The following PTPRT variants were observed in gnomAD, a reference collection of about 807,000 sequenced individuals.
PTPRT encodes the protein protein tyrosine phosphatase receptor type T, also known as receptor-type tyrosine-protein phosphatase T.
In PTPRT, 56 loss-of-function variants were observed where a neutral mutation model predicts 176.8. That is an observed-to-expected ratio of 0.32 (90% CI 0.26 to 0.40). The LOEUF (loss-of-function observed/expected upper bound fraction) is 0.40, where lower values mean the gene tolerates loss of function less well. PTPRT is among the 10% of genes least tolerant of loss of function. The pLI is 1.00. For synonymous variants in PTPRT, 783 were observed against 739.0 expected (o/e 1.06, Z -0.96); for missense variants, 1,540 against 1,908.2 (o/e 0.81, Z 3.60).
At chr20:42,815,963 C>CT (rs1356304032) in intron 2 of PTPRT, among the ~76,000 whole-genome samples, 1 of 151,790 alleles carries the variant, frequency 6.6e-6, no homozygotes, top group Non-Finnish European at 1.5e-5. Context: ...TTTTTTTTCT[C>CT]TTTTTTTCAT....
At chr20:42,978,333 G>C (rs77477289) in intron 1 of PTPRT, among the ~76,000 whole-genome samples, 2,841 of 152,210 alleles carry the variant, frequency 0.019, 36 homozygotes, top group East Asian at 0.033. Context: ...CCTATTTTCA[G>C]ACCACAGGTG....
intron 1 of PTPRT, among the ~76,000 whole-genome samples, chr20:42,893,395 A>G (rs1457770079): frequency 6.6e-6 from 1 of 151,984 alleles, no homozygotes; most frequent in South Asian, 2.1e-4. Flanking sequence ...AAATAGGAAC[A>G]CTTTTACACT....
intron 7 of PTPRT, among the ~76,000 whole-genome samples, chr20:42,545,546 C>A (rs1183235649): frequency 6.6e-6 from 1 of 152,190 alleles, no homozygotes; most frequent in African/African-American, 2.4e-5. Context: ...GGAAACAAAC[C>A]TAGGCTTTAC....
chr20:42,627,184 C>T (rs749774916), intron 7 of PTPRT, among the ~76,000 whole-genome samples: 13 of 152,100 alleles, frequency 8.5e-5, no homozygotes, highest in Non-Finnish European at 1.6e-4. Context: ...AATTCTGGAT[C>T]CATTTAATCA....
chr20:42,519,174 C>G (rs1308397460), intron 7 of PTPRT, among the ~76,000 whole-genome samples: 7 of 152,108 alleles, frequency 4.6e-5, no homozygotes, highest in Admixed American at 4.6e-4. Flanking sequence ...CTAATCTGTT[C>G]TCCAGTTTTT....
intron 1 of PTPRT, among the ~76,000 whole-genome samples, chr20:43,077,609 A>G (rs777700787): frequency 5.3e-5 from 8 of 152,174 alleles, no homozygotes; most frequent in Non-Finnish European, 1.0e-4. Context: ...TCTGAGTTCC[A>G]GAGAGAGTAG....
chr20:42,847,435 C>A (rs1433513459), intron 2 of PTPRT, among the ~76,000 whole-genome samples: 6 of 152,156 alleles, frequency 3.9e-5, no homozygotes, highest in African/African-American at 1.4e-4. Context: ...CCTATACAGG[C>A]CAGCCTTTCA....
intron 6 of PTPRT, among the ~76,000 whole-genome samples, chr20:42,698,673 G>A (rs2146149235): frequency 6.6e-6 from 1 of 152,260 alleles, no homozygotes; most frequent in Admixed American, 6.5e-5. Context: ...TCTCCAATAT[G>A]CAGCCAAGTT....
chr20:42,388,121 A>T (rs542077968), intron 9 of PTPRT, among the ~76,000 whole-genome samples: 1 of 152,280 alleles, frequency 6.6e-6, no homozygotes, highest in East Asian at 1.9e-4. Context: ...TGCATAGGAC[A>T]GTCCCCAAAA....
intron 18 of PTPRT, among the ~76,000 whole-genome samples, chr20:42,129,811 A>T (rs1988041405): frequency 6.6e-6 from 1 of 152,214 alleles, no homozygotes; most frequent in South Asian, 2.1e-4. Flanking sequence ...TTTACAAGGC[A>T]CATTTATTGC....
At chr20:42,423,178 TAAAAAAAA>T (rs34775268) in intron 9 of PTPRT, among the ~76,000 whole-genome samples, 11 of 88,114 alleles carry the variant, frequency 1.2e-4, no homozygotes, top group African/African-American at 4.8e-4. Flanking sequence ...ACCTTAAAAG[TAAAAAAAA>T]AAAAAAAAAA....
chr20:42,467,521 T>C (rs1020786658), intron 8 of PTPRT, among the ~76,000 whole-genome samples: 2 of 152,236 alleles, frequency 1.3e-5, no homozygotes, highest in Non-Finnish European at 2.9e-5. Context: ...ACAAACTGTA[T>C]ATTACATGAT....
At chr20:42,312,020 A>G (rs1245005623) in intron 12 of PTPRT, among the ~76,000 whole-genome samples, 2 of 150,864 alleles carry the variant, frequency 1.3e-5, no homozygotes, top group Non-Finnish European at 2.9e-5. Flanking sequence ...TCCAGATTAG[A>G]ACTGTTAAGT....
At chr20:42,218,804 G>A (rs1041021136) in intron 15 of PTPRT, among the ~76,000 whole-genome samples, 6 of 152,156 alleles carry the variant, frequency 3.9e-5, no homozygotes, top group African/African-American at 1.4e-4. Context: ...ACCCTGGCCC[G>A]GCTGTGTGGG....
At chr20:42,688,740 C>T (rs1336963205) in intron 6 of PTPRT, among the ~76,000 whole-genome samples, 1 of 152,190 alleles carries the variant, frequency 6.6e-6, no homozygotes, top group Non-Finnish European at 1.5e-5. Flanking sequence ...TTTTAACTCA[C>T]ACAGTGAGCT....
chr20:42,479,726 A>C (rs564797691), intron 7 of PTPRT, among the ~76,000 whole-genome samples: 41 of 152,376 alleles, frequency 2.7e-4, no homozygotes, highest in African/African-American at 9.1e-4. Flanking sequence ...CATGATGCTC[A>C]AAGGAAATGC....
chr20:42,716,046 T>C (rs1489464872), intron 6 of PTPRT, among the ~76,000 whole-genome samples: 4 of 152,218 alleles, frequency 2.6e-5, no homozygotes, highest in East Asian at 1.9e-4. Context: ...GGACTTGCTC[T>C]ATTGCACTTC....
At chr20:42,620,547 T>C (rs1311182352) in intron 7 of PTPRT, among the ~76,000 whole-genome samples, 26,815 of 143,910 alleles carry the variant, frequency 0.19, 3,694 homozygotes, top group African/African-American at 0.38. Context: ...AGCCTCGTTG[T>C]CGCCTTGCAG....
chr20:42,265,568 G>A (rs528426254), intron 13 of PTPRT, among the ~76,000 whole-genome samples: 77 of 152,162 alleles, frequency 5.1e-4, no homozygotes, highest in African/African-American at 1.7e-3. Context: ...CTGACAGGCT[G>A]TGCCCCTGCC....
Sources: allele counts gnomAD v4.1 joint callset (sites outside exome capture counted in the v4.1 genomes callset), GRCh38; gene constraint gnomAD v4.1.1; transcripts MANE v1.5; gene names NCBI Gene and HGNC (gene_info 2026-07-23, HGNC 2026-07-21).